CSMD3: variants seen among roughly 807,000 people sequenced by gnomAD.
CSMD3 encodes CUB and Sushi multiple domains 3.
A neutral mutation model predicts 435.2 loss-of-function variants in CSMD3; 177 were observed. That is an observed-to-expected ratio of 0.41 (90% CI 0.36 to 0.46). The LOEUF (loss-of-function observed/expected upper bound fraction) is 0.46, where lower values mean the gene tolerates loss of function less well. Ranked by LOEUF, CSMD3 falls within the 20% of genes least tolerant of loss-of-function variation. The pLI is 0.34. For synonymous variants in CSMD3, 1,656 were observed against 1,520.5 expected (o/e 1.09, Z -2.07); for missense variants, 4,265 against 4,504.6 (o/e 0.95, Z 1.52).
intron 5 of CSMD3, among the ~76,000 whole-genome samples, chr8:113,085,128 A>C (rs2089712167): frequency 2.0e-5 from 3 of 152,126 alleles, no homozygotes; most frequent in Admixed American, 1.3e-4. Flanking sequence ...CTAGCAAAGG[A>C]AACAATCAAC....
chr8:112,534,509 T>A (rs62516497), intron 27 of CSMD3, among the ~76,000 whole-genome samples: 3 of 152,022 alleles, frequency 2.0e-5, no homozygotes, highest in Non-Finnish European at 2.9e-5. Context: ...ATAGACCAAT[T>A]ACAGGCTCTG....
intron 38 of CSMD3, among the ~76,000 whole-genome samples, chr8:112,364,389 T>C (rs1363727892): frequency 6.6e-6 from 1 of 152,028 alleles, no homozygotes. Flanking sequence ...GACTACGTCC[T>C]GAGATTTTTG....
intron 5 of CSMD3, among the ~76,000 whole-genome samples, chr8:113,024,060 C>T (rs551848080): frequency 7.9e-5 from 12 of 152,256 alleles, no homozygotes; most frequent in African/African-American, 2.2e-4. Flanking sequence ...CATTGACCAA[C>T]CTCTCCTATC....
chr8:112,956,755 G>A (rs1293636181), intron 7 of CSMD3, among the ~76,000 whole-genome samples: 1 of 152,042 alleles, frequency 6.6e-6, no homozygotes, highest in Non-Finnish European at 1.5e-5. Context: ...CTACTTACAA[G>A]TATCTTGATT....
At chr8:112,254,029 T>C (rs1815533283) in intron 63 of CSMD3, among the ~76,000 whole-genome samples, 1 of 152,044 alleles carries the variant, frequency 6.6e-6, no homozygotes, top group Non-Finnish European at 1.5e-5. Flanking sequence ...TTTTTGCTTT[T>C]TGTTTTAATT....
chr8:112,553,694 A>G (rs1827878126), intron 25 of CSMD3, among the ~76,000 whole-genome samples: 2 of 152,040 alleles, frequency 1.3e-5, no homozygotes. Flanking sequence ...AGATTAAATA[A>G]CTGAATTAAA....
chr8:112,841,931 C>A (rs231314), intron 11 of CSMD3, among the ~76,000 whole-genome samples: 36,405 of 151,664 alleles, frequency 0.24, 5,014 homozygotes, highest in Non-Finnish European at 0.32. Context: ...GAATTACACA[C>A]ATTTTTACAC....
intron 5 of CSMD3, 81 bp downstream of exon 5, chr8:113,098,675 A>T (rs542550915): frequency 2.1e-6 from 2 of 950,780 alleles, no homozygotes; most frequent in East Asian, 4.9e-5. Context: ...CAAACCTGTA[A>T]AAGTCCACAT....
At chr8:112,563,867 T>C (rs1828848304) in intron 24 of CSMD3, among the ~76,000 whole-genome samples, 1 of 152,006 alleles carries the variant, frequency 6.6e-6, no homozygotes, top group East Asian at 1.9e-4. Context: ...ATTTCTTTTT[T>C]CTTTCCATGT....
rs1220531809 is a variant in CSMD3, at chr8:112,434,926, A to G, written c.5396-25894T>C. On this transcript the variant is annotated intron_variant, in intron 32 of 70. Transcript: ENST00000297405. ...TCTTTGACCTAATGTTTTTAAACGA[A>G]TTCAATGACGAGTTCACCAGAGTAG... Among the ~76,000 whole-genome samples, 8 of 152,100 alleles carry G rather than the reference A, an allele frequency of 5.3e-5. No individual in the cohort carries two copies. In the East Asian group the frequency reaches 1.4e-3, roughly 26 times the overall value.
intron 12 of CSMD3, among the ~76,000 whole-genome samples, chr8:112,802,603 C>T (rs995572217): frequency 2.0e-5 from 3 of 151,820 alleles, no homozygotes; most frequent in Non-Finnish European, 4.4e-5. Flanking sequence ...TTCATTTTTC[C>T]CTCCATTTTA....
rs188565454 is a variant in CSMD3 at position 112,274,997 on chromosome 8, A to G, written c.9508+6177T>C. On this transcript the variant is annotated intron_variant, in intron 59 of 70. Transcript: ENST00000297405. ...GACTACAAGAGCATTTGCATAAAGA[A>G]CCTTTTGATGCTTCAAGTTCTACCT... 1.6e-3 allele frequency among the ~76,000 whole-genome samples: 234 copies of G among 143,866 alleles called. 1 individual carries two copies. Among genetic ancestry groups the G allele is most frequent in the Middle Eastern group, 3.4e-3 (1 of 294 alleles). The allele number at this position is 143,866 out of a possible 152,430, so 94.4% of individuals were successfully genotyped here.
At chr8:112,752,994 T>C (rs764796801) in intron 13 of CSMD3, among the ~76,000 whole-genome samples, 15 of 151,832 alleles carry the variant, frequency 9.9e-5, no homozygotes, top group Non-Finnish European at 1.9e-4. Context: ...GGTGCAGTCA[T>C]GGCTCACTGT....
intron 22 of CSMD3, among the ~76,000 whole-genome samples, chr8:112,633,940 A>T (rs2074585741): frequency 6.6e-6 from 1 of 152,058 alleles, no homozygotes; most frequent in Admixed American, 6.6e-5. Context: ...TTGTGCCAGG[A>T]AAAGAATGTT....
intron 1 of CSMD3, among the ~76,000 whole-genome samples, chr8:113,355,722 T>TTA (rs1299902928): frequency 3.7e-3 from 288 of 77,766 alleles, no homozygotes; most frequent in Admixed American, 7.5e-3. Context: ...AGTTTTATTT[T>TTA]TATATATATA....
At chr8:112,271,269 G>A (rs1399764773) in intron 59 of CSMD3, among the ~76,000 whole-genome samples, 2 of 152,268 alleles carry the variant, frequency 1.3e-5, no homozygotes, top group African/African-American at 2.4e-5. Flanking sequence ...TAAACTGGAA[G>A]TATTGTTTAG....
chr8:113,434,852 G>C (rs1221676985), intron 1 of CSMD3, among the ~76,000 whole-genome samples: 1 of 152,190 alleles, frequency 6.6e-6, no homozygotes, highest in African/African-American at 2.4e-5. Flanking sequence ...AGGCTGTAAT[G>C]CTCGCCCCGC....
chr8:113,372,486 T>C (rs185690123), intron 1 of CSMD3, among the ~76,000 whole-genome samples: 1 of 152,262 alleles, frequency 6.6e-6, no homozygotes, highest in Non-Finnish European at 1.5e-5. Context: ...TTTCCTGAGT[T>C]TTTTATGTCC....
intron 35 of CSMD3, among the ~76,000 whole-genome samples, chr8:112,398,946 T>C (rs556682417): frequency 1.3e-5 from 2 of 151,822 alleles, no homozygotes; most frequent in East Asian, 3.9e-4. Context: ...AGACAGAATC[T>C]CGCTCTGTTG....
Sources: gnomAD v4.1 joint callset for allele counts (sites outside exome capture counted in the v4.1 genomes callset) on GRCh38, gnomAD v4.1.1 for gene constraint, MANE v1.5 for transcripts, NCBI Gene and HGNC (gene_info 2026-07-23, HGNC 2026-07-21) for gene names.